FSIP2: variants seen among roughly 807,000 people sequenced by gnomAD.
FSIP2 encodes fibrous sheath interacting protein 2.
Under a neutral mutation model 510.5 loss-of-function variants are expected in FSIP2, and 367 were observed. The ratio of observed to expected loss-of-function variants is 0.72; its 90% confidence interval spans 0.66 to 0.78. The LOEUF is 0.78. FSIP2 is among the 30% of genes least tolerant of loss of function. The pLI is 0.00. For synonymous variants in FSIP2, 2,601 were observed against 2,732.2 expected (o/e 0.95, Z 1.50); for missense variants, 7,594 against 7,901.7 (o/e 0.96, Z 1.48).
At chr2:185,832,927 A>C (rs1329383534) in intron 22 of FSIP2, among the ~76,000 whole-genome samples, 163 bp from the exon 23 acceptor site, 4 of 151,966 alleles carry the variant, frequency 2.6e-5, no homozygotes, top group Non-Finnish European at 4.4e-5. Context: ...TACGTGACTA[A>C]AGAAGCCTCA....
intron 13 of FSIP2, chr2:185,765,582 C>A (rs898013752): frequency 1.3e-5 from 2 of 152,044 alleles, no homozygotes; most frequent in African/African-American, 4.8e-5. Context: ...TAGTGTGATG[C>A]CTCCAGCTTT....
chr2:185,821,363 A>T (rs1339715761), intron 19 of FSIP2, among the ~76,000 whole-genome samples: 1 of 151,918 alleles, frequency 6.6e-6, no homozygotes, highest in Non-Finnish European at 1.5e-5. Context: ...GATGTCACAA[A>T]TTTCAAAGAA....
Position 185,793,039 on chromosome 2 carries a change from A to C in FSIP2, c.5903A>C (p.Lys1968Thr). 1 of 1,534,416 alleles carries C rather than the reference A, an allele frequency of 6.5e-7. No homozygotes were observed. Among genetic ancestry groups the C allele is most frequent in the Non-Finnish European group, 8.7e-7 (1 of 1,145,676 alleles). ...ACATTGAGCAAAGCATTATCAGCCA[A>C]AGATTCATATTCTGATGAGCAATTT... is the stretch of plus-strand genomic sequence containing the variant. ...HSTLSKALSA[K>T]DSYSDEQFSC... is the part of the protein sequence containing the mutation. Residue 1968 changes from lysine to threonine, a missense_variant, in exon 16 of 23, where the codon AAA becomes ACA. Physicochemically the swap from Lys to Thr is moderately conservative, Grantham distance 78. Transcript: ENST00000424728.
At chr2:185,821,057 C>A (rs6719416) in intron 19 of FSIP2, among the ~76,000 whole-genome samples, 1 of 123,074 alleles carries the variant, frequency 8.1e-6, no homozygotes. Flanking sequence ...ATTGACAAGT[C>A]TTTAGCTAGA....
intron 13 of FSIP2, 44 bp from the exon 14 acceptor site, chr2:185,782,661 G>A: frequency 8.7e-7 from 1 of 1,155,744 alleles, no homozygotes; most frequent in East Asian, 2.6e-5. Context: ...GCAAGTTGCT[G>A]AGGATGGATA....
chr2:185,775,771 C>A (rs994721406), intron 13 of FSIP2, among the ~76,000 whole-genome samples: 12 of 152,158 alleles, frequency 7.9e-5, no homozygotes, highest in Non-Finnish European at 1.6e-4. Flanking sequence ...TCAAGCAGTT[C>A]TCCTGCCTCA....
Position 185,802,755 on chromosome 2 carries a change from T to G in FSIP2, c.13449T>G (p.Ser4483=). 1 of 1,511,506 alleles carries G rather than the reference T, an allele frequency of 6.6e-7. No homozygotes were observed. The highest frequency in any genetic ancestry group is 8.8e-7 in the Non-Finnish European group (1 of 1,137,950). 93.6% of individuals were successfully genotyped at this position (1,511,506 alleles called of 1,614,324 possible). A position where few individuals can be genotyped will look rare whatever the true frequency, so the allele number is the denominator to read the frequency against. ...TACTATTATCTAAATTATTTTCTTC[T>G]GCATCTAGCCTGGTTCTAAACAGAG... ...IRVLLSKLFS[S]ASSLVLNRDT... Residue 4483 remains serine, a synonymous_variant, in exon 17 of 23, where the codon TCT becomes TCG. Coordinates refer to ENST00000424728, the MANE Select transcript of FSIP2 (RefSeq NM_173651.4).
At chr2:185,788,316 T>G (rs1693036445) in intron 15 of FSIP2, 1 of 166,036 alleles carries the variant, frequency 6.0e-6, no homozygotes, top group Non-Finnish European at 1.3e-5. Context: ...GTTGTGTGCC[T>G]AGACAGCAAT....
intron 13 of FSIP2, among the ~76,000 whole-genome samples, chr2:185,780,180 T>G (rs1358875888): frequency 6.6e-6 from 1 of 152,006 alleles, no homozygotes; most frequent in Non-Finnish European, 1.5e-5. Flanking sequence ...GTTTTTAAGA[T>G]GTTTTCTTTA....
At chr2:185,822,293 A>G (rs538870790) in intron 19 of FSIP2, among the ~76,000 whole-genome samples, 4 of 151,972 alleles carry the variant, frequency 2.6e-5, no homozygotes, top group Non-Finnish European at 4.4e-5. Flanking sequence ...TTTATAGATG[A>G]CATGGTCATA....
intron 20 of FSIP2, among the ~76,000 whole-genome samples, chr2:185,827,571 A>G (rs1005405791): frequency 3.3e-5 from 5 of 151,706 alleles, no homozygotes; most frequent in Non-Finnish European, 7.4e-5. Context: ...TGTCATTTCT[A>G]CCTCCTTGCC....
chr2:185,793,804 C>T lies in FSIP2; in HGVS notation c.6668C>T (p.Ala2223Val), dbSNP rs866537772. The T allele has an allele frequency of 5.2e-6, 8 of 1,532,796 alleles. No individual in the cohort carries two copies. In the African/African-American group the frequency reaches 8.3e-5, roughly 16 times the overall value. 94.9% of individuals were successfully genotyped at this position (1,532,796 alleles called of 1,614,324 possible). A position where few individuals can be genotyped will look rare whatever the true frequency, so the allele number is the denominator to read the frequency against. The change falls in exon 16 of 23, where the codon GCT (alanine) becomes GTT (valine). Residue 2223 changes from alanine (A) to valine (V), a missense_variant. By Grantham distance (64) the Ala-to-Val change is moderately conservative (BLOSUM62 0). Transcript: ENST00000424728. ...TCATATTCAAGAAATCAGAAATCAG[C>T]TTATGCTGATGATAATCAGATAACT... ...RFSYSRNQKS[A>V]YADDNQITVV... is the part of the protein sequence containing the mutation.
intron 13 of FSIP2, among the ~76,000 whole-genome samples, chr2:185,772,137 G>A (rs1312221005): frequency 6.6e-6 from 1 of 152,156 alleles, no homozygotes; most frequent in Admixed American, 6.5e-5. Context: ...GGACTTTGCT[G>A]TCTATATTTC....
chr2:185,797,994 A>G (rs561098703), intron 16 of FSIP2, among the ~76,000 whole-genome samples: 2 of 151,994 alleles, frequency 1.3e-5, no homozygotes, highest in South Asian at 2.1e-4. Flanking sequence ...CTCAGCCTCA[A>G]TTGCTTTTTA....
intron 13 of FSIP2, among the ~76,000 whole-genome samples, chr2:185,771,147 T>C (rs1460169159): frequency 6.6e-6 from 1 of 152,352 alleles, no homozygotes; most frequent in East Asian, 1.9e-4. Context: ...TTGAGTCTAA[T>C]GCCTGCTGCT....
In FSIP2 at chr2:185,792,208, C is replaced by T; in HGVS notation, c.5072C>T (p.Ser1691Phe). ...GTCAAGTTAATTTTAGATGCAGTATCTTCCGATATGTTTAATGAAATGGAA... is the reference window on the plus strand; with the variant it reads ...GTCAAGTTAATTTTAGATGCAGTATTTTCCGATATGTTTAATGAAATGGAA... ...YVVKLILDAV[S>F]SDMFNEMESE... The change falls in exon 16 of 23, where the codon TCT becomes TTT. Residue 1691 changes from serine to phenylalanine, a missense_variant. Transcript: ENST00000424728. 6.5e-7 allele frequency: 1 copy of T among 1,532,612 alleles called. No homozygotes were observed. 94.9% of individuals were successfully genotyped at this position (1,532,612 alleles called of 1,614,324 possible). A position where few individuals can be genotyped will look rare whatever the true frequency, so the allele number is the denominator to read the frequency against.
At chr2:185,812,535 G>A (rs1447383521) in intron 17 of FSIP2, among the ~76,000 whole-genome samples, 2 of 152,048 alleles carry the variant, frequency 1.3e-5, no homozygotes, top group Non-Finnish European at 2.9e-5. Flanking sequence ...GGACACAGCA[G>A]TGAAGAGAAA....
At position 185,794,167 on chromosome 2, in the gene FSIP2, C is replaced by G. The variant is rs772991257; in HGVS notation, c.7031C>G (p.Ser2344Trp). 1 of 1,534,160 alleles carries G rather than the reference C, an allele frequency of 6.5e-7. No individual in the cohort carries two copies. Among genetic ancestry groups the G allele is most frequent in the African/African-American group, 1.4e-5 (1 of 72,876 alleles). ...AAACTTGGATCCACAATTCACCTAT[C>G]GCAAGCTAGGCTTAAGACATATGCT... is the stretch of plus-strand genomic sequence containing the variant. ...REKLGSTIHL[S>W]QARLKTYADV... Residue 2344 changes from serine (S) to tryptophan (W), a missense_variant, in exon 16 of 23, where the codon TCG (serine) becomes TGG (tryptophan). Coordinates refer to ENST00000424728, the MANE Select transcript of FSIP2 (RefSeq NM_173651.4).
intron 2 of FSIP2, among the ~76,000 whole-genome samples, chr2:185,741,575 C>A (rs2105525763): frequency 6.6e-6 from 1 of 152,256 alleles, no homozygotes; most frequent in Non-Finnish European, 1.5e-5. Flanking sequence ...TACTCCTTGA[C>A]TTATTATTAT....
Sources: allele counts gnomAD v4.1 joint callset (sites outside exome capture counted in the v4.1 genomes callset), GRCh38; gene constraint gnomAD v4.1.1; transcripts MANE v1.5; gene names NCBI Gene and HGNC (gene_info 2026-07-23, HGNC 2026-07-21).